The following OTOF variants were observed in gnomAD, a reference collection of about 807,000 sequenced individuals.
OTOF encodes the protein otoferlin.
OTOF carries 218 observed loss-of-function variants against 236.8 expected under a neutral mutation model. The ratio of observed to expected loss-of-function variants is 0.92; its 90% confidence interval spans 0.82 to 1.03. The LOEUF is 1.03. OTOF is among the 50% of genes least tolerant of loss of function. The pLI, the probability that OTOF is intolerant of heterozygous loss-of-function variation, is 0.00. For missense variants in OTOF, 2,590 were observed against 2,694.4 expected, an observed-to-expected ratio of 0.96 and a Z score of 0.86; for synonymous variants, 1,041 against 1,072.5, an observed-to-expected ratio of 0.97 and a Z score of 0.57.
Position 26,462,060 on chromosome 2 carries a change from C to G in OTOF, c.5291+23G>C. 6.2e-7 allele frequency: 1 copy of G among 1,610,310 alleles called. No individual in the cohort carries two copies. Among genetic ancestry groups the G allele is most frequent in the Non-Finnish European group, 8.5e-7 (1 of 1,176,760 alleles). On this transcript the variant is annotated intron_variant, in intron 42 of 46. Coordinates refer to ENST00000272371, the MANE Select transcript of OTOF (RefSeq NM_194248.3). The surrounding 1 kb of genome is among the most constrained non-coding windows in gnomAD (Gnocchi z 4.7). The stretch of plus-strand genomic sequence containing the variant: ...CAAGCCCCACCCAGCTCAGTCCCTC[C>G]CATGCAGGGACTGCTCACCCACCCC...
At position 26,463,981 on chromosome 2, in the gene OTOF, T is replaced by G; in HGVS notation, c.5086A>C (p.Lys1696Gln). The G allele has an allele frequency of 6.2e-7, 1 of 1,613,784 alleles. No individual in the cohort carries two copies. The highest frequency in any genetic ancestry group is 8.5e-7 in the Non-Finnish European group (1 of 1,180,022). The change falls in exon 40 of 47, where the codon AAG (lysine) becomes CAG (glutamine). Residue 1696 changes from lysine to glutamine, a missense_variant. Coordinates refer to ENST00000272371, the MANE Select transcript of OTOF (RefSeq NM_194248.3). ...VETRPLLNPD[K>Q]PGIEQGRLEL... Reference sequence around the variant, plus strand: ...AGTGTCACCTGCTCGATGCCCGGCTTGTCGGGGTTGAGCAGCGGCCTCGTC... The same window carrying G: ...AGTGTCACCTGCTCGATGCCCGGCTGGTCGGGGTTGAGCAGCGGCCTCGTC...
In OTOF at chr2:26,463,577, G is replaced by T; in HGVS notation, c.5104-6C>A. On this transcript the variant is annotated splice_region_variant and splice_polypyrimidine_tract_variant and intron_variant, in intron 40 of 46. Coordinates refer to ENST00000272371, the MANE Select transcript of OTOF (RefSeq NM_194248.3). ...ACCCACAGCTCCAGGCGGCCCTGAG[G>T]AAGAGGGTTGTGGCAGATCTCCCAG... 6.3e-7 allele frequency: 1 copy of T among 1,595,424 alleles called. No homozygotes were observed. Among genetic ancestry groups the T allele is most frequent in the East Asian group, 2.3e-5 (1 of 44,164 alleles).
chr2:26,464,045 G>A lies in OTOF; in HGVS notation c.5022C>T (p.Ile1674=), dbSNP rs1163267540. 4 of 1,613,706 alleles carry A rather than the reference G, an allele frequency of 2.5e-6. No homozygotes were observed. The highest frequency in any genetic ancestry group is 2.2e-5 in the East Asian group (1 of 44,870). ...ALLALRHWED[I]PRAGCRLVPE... ...GCACCAGGCGGCAGCCTGCGCGGGG[G>A]ATGTCCTCCCAGTGCCTCAGGGCCA... The change falls in exon 40 of 47, where the codon ATC becomes ATT. Residue 1674 remains isoleucine (I), a synonymous_variant. Transcript: ENST00000272371.
chr2:26,505,720 G>T (rs559234806), intron 5 of OTOF, among the ~76,000 whole-genome samples: 1 of 152,204 alleles, frequency 6.6e-6, no homozygotes, highest in African/African-American at 2.4e-5. Flanking sequence ...CCTCGATGCC[G>T]TAGGACTGCA....
chr2:26,556,206 C>T (rs1007471292), intron 1 of OTOF, among the ~76,000 whole-genome samples: 1 of 152,208 alleles, frequency 6.6e-6, no homozygotes, highest in Non-Finnish European at 1.5e-5. Flanking sequence ...GCCAGTGTCT[C>T]CCTCTGCGTG....
intron 6 of OTOF, among the ~76,000 whole-genome samples, chr2:26,502,997 G>T (rs554136119): frequency 3.0e-4 from 45 of 152,330 alleles, no homozygotes; most frequent in African/African-American, 1.0e-3. Context: ...ACCCAAGGAT[G>T]CTGGGTTTGG....
intron 24 of OTOF, among the ~76,000 whole-genome samples, chr2:26,475,709 AC>A (rs1362827556): frequency 6.6e-6 from 1 of 152,080 alleles, no homozygotes; most frequent in Non-Finnish European, 1.5e-5. Context: ...TGTGAATATA[AC>A]CACAGCTAAA....
chr2:26,492,573 C>T (rs1301651514), intron 9 of OTOF, among the ~76,000 whole-genome samples: 3 of 152,198 alleles, frequency 2.0e-5, no homozygotes. Flanking sequence ...TCTCGGCAGC[C>T]TCCATGTTGC....
intron 3 of OTOF, among the ~76,000 whole-genome samples, chr2:26,520,239 C>A (rs1243104888): frequency 6.6e-6 from 1 of 152,100 alleles, no homozygotes; most frequent in East Asian, 1.9e-4. Flanking sequence ...TGGAAGGGAC[C>A]TTGGGCATCA....
intron 6 of OTOF, 148 bp from the exon 7 acceptor site, chr2:26,502,574 G>T: frequency 1.2e-6 from 1 of 831,260 alleles, no homozygotes; most frequent in Non-Finnish European, 2.0e-6. Context: ...CTGAATAACT[G>T]CAGTGTTTTT....
intron 3 of OTOF, among the ~76,000 whole-genome samples, chr2:26,524,646 G>T (rs1214812858): frequency 1.3e-5 from 2 of 152,222 alleles, no homozygotes; most frequent in Non-Finnish European, 2.9e-5. Flanking sequence ...AGTGTTTCCA[G>T]CATTTCAGTG....
At chr2:26,468,632 A>G (rs563992003) in intron 32 of OTOF, among the ~76,000 whole-genome samples, 158 bp from the exon 33 acceptor site, 1 of 152,332 alleles carries the variant, frequency 6.6e-6, no homozygotes, top group East Asian at 1.9e-4. Flanking sequence ...AAGTGGGTTA[A>G]AAAAAGTTTA....
intron 1 of OTOF, among the ~76,000 whole-genome samples, chr2:26,550,976 A>C (rs1037412669): frequency 6.6e-6 from 1 of 151,840 alleles, no homozygotes; most frequent in African/African-American, 2.4e-5. Context: ...TCTGCCTGGG[A>C]TGGAGCCTTT....
At chr2:26,488,330 C>T (rs557648185) in intron 11 of OTOF, among the ~76,000 whole-genome samples, 70 of 152,182 alleles carry the variant, frequency 4.6e-4, no homozygotes, top group Admixed American at 1.5e-3. Flanking sequence ...ACTGTCAAAG[C>T]GCCTAATGGG....
intron 11 of OTOF, among the ~76,000 whole-genome samples, chr2:26,488,233 C>G (rs890664528): frequency 1.3e-5 from 2 of 152,210 alleles, no homozygotes; most frequent in Non-Finnish European, 2.9e-5. Context: ...CCTCATTTAT[C>G]TCATGTGCAA....
Position 26,503,880 on chromosome 2 carries a change from G to A in OTOF, c.510-35C>T, listed in dbSNP as rs1250668554. The A allele has an allele frequency of 6.9e-6, 11 of 1,584,920 alleles. No individual in the cohort carries two copies. The Admixed American group carries it at 1.8e-4, about 26-fold the overall frequency. On this transcript the variant is annotated intron_variant, in intron 5 of 46. Transcript: ENST00000272371. ...GGGCCACCAGAATGAGGTGCAGGGA[G>A]AGGGACGCATGGAGGAAAACACACA...
At chr2:26,516,913 G>C (rs1368768257) in intron 4 of OTOF, among the ~76,000 whole-genome samples, 3 of 152,072 alleles carry the variant, frequency 2.0e-5, no homozygotes, top group Non-Finnish European at 4.4e-5. Flanking sequence ...CTCACCCCCC[G>C]AGTCCACTGT....
Position 26,473,113 on chromosome 2 carries a change from A to T in OTOF, c.3733+19T>A. Reference sequence around the variant, plus strand: ...GGGGCGTGGAGCCAGGCTTGGTGGCAGGGTGGATGTGGCCATACCCGTGGT... The same window carrying T: ...GGGGCGTGGAGCCAGGCTTGGTGGCTGGGTGGATGTGGCCATACCCGTGGT... On this transcript the variant is annotated intron_variant, in intron 29 of 46. Coordinates refer to ENST00000272371, the MANE Select transcript of OTOF (RefSeq NM_194248.3). This position sits in a 1 kb window ranked among gnomAD's most constrained non-coding sequence, Gnocchi z 7.2. 6.2e-7 allele frequency: 1 copy of T among 1,606,522 alleles called. No homozygotes were observed.
chr2:26,513,902 G>A (rs1666453719), intron 5 of OTOF, among the ~76,000 whole-genome samples: 1 of 152,202 alleles, frequency 6.6e-6, no homozygotes, highest in Admixed American at 6.5e-5. Flanking sequence ...TGTGACAAGG[G>A]TGAGATGCAA....
Sources: allele counts gnomAD v4.1 joint callset (sites outside exome capture counted in the v4.1 genomes callset), GRCh38; gene constraint gnomAD v4.1.1; non-coding constraint Gnocchi (gnomAD v3.1); transcripts MANE v1.5; gene names NCBI Gene and HGNC (gene_info 2026-07-23, HGNC 2026-07-21).